FAM228B: variants seen among roughly 807,000 people sequenced by gnomAD.
FAM228B encodes the protein family with sequence similarity 228 member B.
Under a neutral mutation model 42.6 loss-of-function variants are expected in FAM228B, and 38 were observed. The ratio of observed to expected loss-of-function variants is 0.89; its 90% CI spans 0.69 to 1.17. The LOEUF is 1.17. Ranked by LOEUF, FAM228B falls within the 50% of genes most tolerant of loss-of-function variation. FAM228B has a pLI of 0.00. For missense variants in FAM228B, 344 were observed against 367.3 expected (o/e 0.94, Z 0.52); for synonymous variants, 109 against 122.3 (o/e 0.89, Z 0.72).
intron 3 of FAM228B, among the ~76,000 whole-genome samples, chr2:24,102,197 C>G (rs1470973522): frequency 1.3e-5 from 2 of 152,162 alleles, no homozygotes; most frequent in African/African-American, 4.8e-5. Context: ...AAAGTAAAGA[C>G]TTGGAAACCA....
chr2:24,166,054 A>ATATATATATATATATATATATATATAT (rs1553334355), intron 9 of FAM228B: 2 of 81,046 alleles, frequency 2.5e-5, no homozygotes, highest in African/African-American at 4.0e-5. Flanking sequence ...AAAAAAAAAA[A>ATATATATATATATATATATATATATAT]ATATATATAT....
intron 5 of FAM228B, among the ~76,000 whole-genome samples, chr2:24,141,232 G>A (rs1666738307): frequency 6.6e-6 from 1 of 151,842 alleles, no homozygotes; most frequent in Admixed American, 6.6e-5. Context: ...ACGCCACCAG[G>A]CCTGGCTAAT....
intron 3 of FAM228B, among the ~76,000 whole-genome samples, chr2:24,112,934 T>G (rs1187493511): frequency 2.6e-5 from 4 of 152,180 alleles, no homozygotes; most frequent in Non-Finnish European, 4.4e-5. Context: ...TTTACTCTCT[T>G]CCATACTCAC....
intron 7 of FAM228B, among the ~76,000 whole-genome samples, chr2:24,149,088 A>T (rs1442317769): frequency 6.6e-6 from 1 of 152,188 alleles, no homozygotes; most frequent in East Asian, 1.9e-4. Flanking sequence ...ATATTACTCC[A>T]TTGCGTGTAA....
intron 3 of FAM228B, among the ~76,000 whole-genome samples, chr2:24,117,454 T>G (rs1219343135): frequency 6.6e-6 from 1 of 151,858 alleles, no homozygotes; most frequent in Admixed American, 6.6e-5. Context: ...CTTTTTTTTT[T>G]TTTCTCGAGA....
intron 7 of FAM228B, among the ~76,000 whole-genome samples, chr2:24,152,666 G>A (rs548986213): frequency 1.3e-5 from 2 of 152,324 alleles, no homozygotes; most frequent in East Asian, 3.9e-4. Context: ...CTGGAGCTGG[G>A]GGTGTCATGA....
rs1666649381 is a variant in FAM228B at position 24,138,081 on chromosome 2, TA to T, written c.345del (p.Lys115AsnfsTer3). 6.5e-7 allele frequency: 1 copy of T among 1,532,238 alleles called. No homozygotes were observed. Among genetic ancestry groups the T allele is most frequent in the Non-Finnish European group, 8.8e-7 (1 of 1,142,282 alleles). The allele number at this position is 1,532,238 out of a possible 1,614,324, so 94.9% of individuals were successfully genotyped here. A position where few individuals can be genotyped will look rare whatever the true frequency, so the allele number is the denominator to read the frequency against. ...AGGCAAGGGGAATTAGATGGCTTTT[TA>T]AAACATGTAAATAAAAAGGTACTAA... ...KRRQGELDGF[L>X]KHVNKKGNAF... On this transcript the variant is annotated frameshift_variant, in exon 4 of 11. Transcript: ENST00000615575. LOFTEE classifies it high-confidence loss of function.
chr2:24,117,159 T>C (rs6545285), intron 3 of FAM228B, among the ~76,000 whole-genome samples: 46,922 of 151,520 alleles, frequency 0.31, 7,653 homozygotes, highest in South Asian at 0.43. Context: ...GGATTACAGG[T>C]ACCTACCACC....
Position 24,139,357 on chromosome 2 carries a change from T to C in FAM228B, c.361-13T>C, listed in dbSNP as rs1176434169. 4.7e-6 allele frequency: 7 copies of C among 1,491,830 alleles called. No homozygotes were observed. The highest frequency in any genetic ancestry group is 6.4e-6 in the Non-Finnish European group (7 of 1,097,606). The allele number at this position is 1,491,830 out of a possible 1,614,324, so 92.4% of individuals were successfully genotyped here. On this transcript the variant is annotated splice_polypyrimidine_tract_variant and intron_variant, in intron 4 of 10. Coordinates refer to ENST00000615575, the MANE Select transcript of FAM228B (RefSeq NM_001145710.2). ...CTCTTGTTCTTGTGTATCGTTTTAT[T>C]TCCTTGCTATAGGGAAATGCATTTA...
At chr2:24,112,156 A>G (rs926947762) in intron 3 of FAM228B, among the ~76,000 whole-genome samples, 1 of 152,208 alleles carries the variant, frequency 6.6e-6, no homozygotes, top group Non-Finnish European at 1.5e-5. Context: ...AAGACATTCA[A>G]GGTCTCATAG....
upstream of FAM228B, chr2:24,122,833 T>C (rs1284443929): frequency 3.7e-6 from 1 of 269,346 alleles, no homozygotes; most frequent in African/African-American, 2.2e-5. Flanking sequence ...ATCAGGATTA[T>C]CTGCGATTTA....
At chr2:24,085,303 G>A (rs1665208088) in intron 2 of FAM228B, 1 of 152,182 alleles carries the variant, frequency 6.6e-6, no homozygotes, top group Admixed American at 6.5e-5. Flanking sequence ...GAGAGGTTCA[G>A]CCCCAGGAGA....
chr2:24,089,991 ACGC>A (rs1371622416), intron 2 of FAM228B, among the ~76,000 whole-genome samples: 6 of 145,780 alleles, frequency 4.1e-5, no homozygotes, highest in Admixed American at 6.9e-5. Flanking sequence ...AAAAAAAAAA[ACGC>A]CGGGCGCAGT....
At position 24,078,289 on chromosome 2, in the gene FAM228B, A is replaced by G. The variant is rs532653532; in HGVS notation, c.-290+1320A>G. On this transcript the variant is annotated intron_variant, in intron 1 of 10. Coordinates refer to the FAM228B transcript ENST00000613899. The stretch of plus-strand genomic sequence containing the variant: ...ATTTATTGTTCTTTGTCTAAAAATT[A>G]CAAAAGCATCTTACTTTGGCCGAAT... Among the ~76,000 whole-genome samples the G allele has an allele frequency of 2.0e-5, 3 of 152,228 alleles. No individual in the cohort carries two copies. In the South Asian group the frequency reaches 6.2e-4, roughly 32 times the overall value.
chr2:24,113,519 G>C (rs1665834179), intron 3 of FAM228B, among the ~76,000 whole-genome samples: 1 of 152,154 alleles, frequency 6.6e-6, no homozygotes, highest in South Asian at 2.1e-4. Context: ...GTAGTTAACT[G>C]TGATCACACC....
chr2:24,143,465 A>G (rs1205421247), intron 5 of FAM228B, among the ~76,000 whole-genome samples: 1 of 152,206 alleles, frequency 6.6e-6, no homozygotes, highest in African/African-American at 2.4e-5. Flanking sequence ...AAATGCTGGG[A>G]TTACAGGCAT....
At chr2:24,154,558 AT>A (rs1266635813) in intron 7 of FAM228B, among the ~76,000 whole-genome samples, 2 of 152,306 alleles carry the variant, frequency 1.3e-5, no homozygotes, top group East Asian at 3.9e-4. Flanking sequence ...CAGAGCACAC[AT>A]TTTAAATTTT....
At chr2:24,161,838 C>T (rs1257129148) in intron 8 of FAM228B, among the ~76,000 whole-genome samples, 2 of 152,226 alleles carry the variant, frequency 1.3e-5, no homozygotes, top group Non-Finnish European at 2.9e-5. Flanking sequence ...GTGGCTCCCG[C>T]CTGTAATCCC....
upstream of FAM228B, chr2:24,122,363 G>A: frequency 7.9e-7 from 1 of 1,270,208 alleles, no homozygotes; most frequent in Non-Finnish European, 1.1e-6. Context: ...TCATTTTTTG[G>A]AAGAATAGAA....
Sources: allele counts gnomAD v4.1 joint callset (sites outside exome capture counted in the v4.1 genomes callset), GRCh38; gene constraint gnomAD v4.1.1; transcripts MANE v1.5; gene names NCBI Gene and HGNC (gene_info 2026-07-23, HGNC 2026-07-21).